Variants in FBN3 observed in about 807,000 individuals in gnomAD.
The protein encoded by FBN3 is fibrillin-3.
Under a neutral mutation model 330.1 loss-of-function variants are expected in FBN3, and 234 were observed. The observed-to-expected ratio is 0.71, with a 90% CI of 0.64 to 0.79. The LOEUF (loss-of-function observed/expected upper bound fraction) is 0.79, where lower values mean the gene tolerates loss of function less well. Among genes scored for constraint, FBN3 ranks in the 30% least tolerant of loss-of-function variants. FBN3 has a pLI of 0.00. For synonymous variants in FBN3, 1,458 were observed against 1,517.3 expected (o/e 0.96, Z 0.91); for missense variants, 3,606 against 3,886.9 (o/e 0.93, Z 1.92).
At chr19:8,072,971 G>GTGTGTA in intron 62 of FBN3, 92 bp downstream of exon 62, 1 of 404,600 alleles carries the variant, frequency 2.5e-6, no homozygotes, top group Non-Finnish European at 4.3e-6. Flanking sequence ...AGCCCCGTGT[G>GTGTGTA]TGTGTGTGTG....
intron 30 of FBN3, among the ~76,000 whole-genome samples, chr19:8,113,665 C>T (rs1353155870): frequency 6.6e-6 from 1 of 151,814 alleles, no homozygotes; most frequent in Non-Finnish European, 1.5e-5. Flanking sequence ...GCTATGATCA[C>T]ACCACTGCAC....
chr19:8,091,380 A>C, intron 48 of FBN3, 85 bp downstream of exon 48: 2 of 1,538,448 alleles, frequency 1.3e-6, no homozygotes, highest in East Asian at 2.3e-5. Flanking sequence ...GGGTCACACA[A>C]GAAACCACAG....
At chr19:8,135,940 A>ACCCCCCCCCCCCCCCCCCCCC in intron 13 of FBN3, 21 bp downstream of exon 13, 1 of 168,344 alleles carries the variant, frequency 5.9e-6, no homozygotes, top group Non-Finnish European at 1.1e-5. Context: ...GCCCCTGCCC[A>ACCCCCCCCCCCCCCCCCCCCC]CCCGCCCACC....
rs762725796 is a variant in FBN3, at chr19:8,131,751, C to A, written c.1793G>T (p.Cys598Phe). Residue 598 changes from cysteine to phenylalanine, a missense_variant, in exon 15 of 64, where the codon TGC becomes TTC. By Grantham distance (205) the Cys-to-Phe change is radical. Transcript: ENST00000600128. This position sits in a 1 kb window ranked among gnomAD's most constrained non-coding sequence, Gnocchi z 4.5. Reference protein sequence around the residue: ...TNTEGSFRCQCLGGLAVGTDG... With the variant: ...TNTEGSFRCQFLGGLAVGTDG... The stretch of plus-strand genomic sequence containing the variant: ...CGTGCCTACCGCCAGCCCCCCCAGG[C>A]ACTGGCAGCGGAAGGAGCCCTCGGT... 1 of 1,613,530 alleles carries A rather than the reference C, an allele frequency of 6.2e-7. No individual in the cohort carries two copies. Among genetic ancestry groups the A allele is most frequent in the South Asian group, 1.1e-5 (1 of 91,012 alleles).
chr19:8,124,424 T>A (rs959547925), intron 22 of FBN3, among the ~76,000 whole-genome samples: 1 of 151,468 alleles, frequency 6.6e-6, no homozygotes, highest in Non-Finnish European at 1.5e-5. Flanking sequence ...TTGTTATTTT[T>A]TAGTAGAGAC....
chr19:8,117,361 G>GT, intron 27 of FBN3, 70 bp from the exon 28 acceptor site: 1 of 1,537,464 alleles, frequency 6.5e-7, no homozygotes, highest in Non-Finnish European at 8.8e-7. Flanking sequence ...GGGCTGGTTT[G>GT]GGGGTGGGAG....
intron 22 of FBN3, among the ~76,000 whole-genome samples, chr19:8,125,396 AG>A (rs1175935404): frequency 6.6e-6 from 1 of 150,846 alleles, no homozygotes. Flanking sequence ...CCTGGGTGAC[AG>A]AGTGAGACCC....
chr19:8,144,260 G>A (rs1021996537), intron 6 of FBN3, among the ~76,000 whole-genome samples: 1 of 152,048 alleles, frequency 6.6e-6, no homozygotes, highest in Non-Finnish European at 1.5e-5. Flanking sequence ...AATTAGCTGA[G>A]CGTGGGGATG....
intron 54 of FBN3, 84 bp from the exon 55 acceptor site, chr19:8,086,409 C>A: frequency 2.7e-6 from 2 of 733,012 alleles, no homozygotes; most frequent in African/African-American, 1.8e-5. Context: ...CCCTTTGGAT[C>A]TGCCCAGGCC....
Position 8,102,804 on chromosome 19 carries a change from G to T in FBN3, c.5009C>A (p.Thr1670Asn). Residue 1670 changes from threonine to asparagine, a missense_variant, in exon 40 of 64, where the codon ACC (threonine) becomes AAC (asparagine). Coordinates refer to ENST00000600128, the MANE Select transcript of FBN3 (RefSeq NM_032447.5). ...TCQNELAFNV[T>N]RKMCCCSYNI... The stretch of plus-strand genomic sequence containing the variant: ...GTAGGAGCAGCAACACATTTTCCGG[G>T]TCACGTTGAAGGCCAGCTCATTTTG... 6.2e-7 allele frequency: 1 copy of T among 1,614,094 alleles called. No individual in the cohort carries two copies. The highest frequency in any genetic ancestry group is 1.7e-5 in the Admixed American group (1 of 59,996).
Position 8,110,889 on chromosome 19 carries a change from C to T in FBN3, c.4289G>A (p.Cys1430Tyr), listed in dbSNP as rs775193850. Residue 1430 changes from cysteine to tyrosine, a missense_variant, in exon 34 of 64, where the codon TGC (cysteine) becomes TAC (tyrosine). By Grantham distance (194) the Cys-to-Tyr change is radical. Transcript: ENST00000600128. ...ENLPGMFRCI[C>Y]NGGYELDRGG... The stretch of plus-strand genomic sequence containing the variant: ...TCGGTCCAGTTCGTAGCCACCATTG[C>T]AGATGCAGCGGAACATTCCAGGCAG... 9.3e-6 allele frequency: 15 copies of T among 1,614,252 alleles called. No individual in the cohort carries two copies. The Admixed American group carries it at 2.2e-4, about 23-fold the overall frequency.
Position 8,109,397 on chromosome 19 carries a change from G to T in FBN3, c.4457-9C>A, listed in dbSNP as rs368598713. 7.9e-5 allele frequency: 128 copies of T among 1,614,184 alleles called. No individual in the cohort carries two copies. The African/African-American group carries it at 1.5e-3, about 19-fold the overall frequency. ...GTTCCCGGCCCGAGTGTCTGAACAGGCAGAAGGGGATGGTTAGTAGGTGTC... is the reference window on the plus strand; with the variant it reads ...GTTCCCGGCCCGAGTGTCTGAACAGTCAGAAGGGGATGGTTAGTAGGTGTC... On this transcript the variant is annotated splice_polypyrimidine_tract_variant and intron_variant, in intron 35 of 63. Coordinates refer to ENST00000600128, the MANE Select transcript of FBN3 (RefSeq NM_032447.5). The surrounding 1 kb of genome is among the most constrained non-coding windows in gnomAD (Gnocchi z 5.2).
chr19:8,080,417 G>C (rs918360394), intron 59 of FBN3, among the ~76,000 whole-genome samples: 1 of 152,270 alleles, frequency 6.6e-6, no homozygotes, highest in East Asian at 1.9e-4. Context: ...TTTCAGGAGC[G>C]CTCTGGGGAG....
In FBN3 at chr19:8,109,176, C is replaced by A. The variant is rs574452336; in HGVS notation, c.4618+51G>T. The A allele has an allele frequency of 6.4e-7, 1 of 1,573,928 alleles. No homozygotes were observed. Among genetic ancestry groups the A allele is most frequent in the East Asian group, 2.3e-5 (1 of 44,324 alleles). On this transcript the variant is annotated intron_variant, in intron 36 of 63. Transcript: ENST00000600128. This position sits in a 1 kb window ranked among gnomAD's most constrained non-coding sequence, Gnocchi z 5.2. ...TAGCAGAGGTGACCCCCTAAGCTCC[C>A]GGGCCTCGGTGGCTTAGGTCACGGT...
chr19:8,075,518 C>T, intron 59 of FBN3, 107 bp from the exon 60 acceptor site: 5 of 1,114,668 alleles, frequency 4.5e-6, no homozygotes, highest in Non-Finnish European at 6.4e-6. Flanking sequence ...GTTGCTCACC[C>T]TCTCTGTGCC....
chr19:8,093,598 G>A (rs1207447349), intron 47 of FBN3, among the ~76,000 whole-genome samples: 1 of 152,070 alleles, frequency 6.6e-6, no homozygotes, highest in Non-Finnish European at 1.5e-5. Context: ...ACTCCAGCCT[G>A]GGGGATAGAG....
chr19:8,125,739 C>T (rs1029914938), intron 22 of FBN3, among the ~76,000 whole-genome samples, 153 bp downstream of exon 22: 7 of 146,092 alleles, frequency 4.8e-5, no homozygotes, highest in African/African-American at 1.5e-4. Context: ...TACAGTGAGC[C>T]GAGATTGCGC....
chr19:8,085,109 T>C (rs1252175438), intron 56 of FBN3, among the ~76,000 whole-genome samples: 1 of 152,114 alleles, frequency 6.6e-6, no homozygotes, highest in Non-Finnish European at 1.5e-5. Flanking sequence ...AGTGAGACTC[T>C]GTCTCAGAAC....
intron 47 of FBN3, among the ~76,000 whole-genome samples, chr19:8,092,168 ACT>A (rs1380837760): frequency 6.8e-6 from 1 of 147,382 alleles, no homozygotes; most frequent in Admixed American, 6.7e-5. Context: ...ACAGAGCGAG[ACT>A]CTGTCTCAAA....
Sources: allele counts gnomAD v4.1 joint callset (sites outside exome capture counted in the v4.1 genomes callset), GRCh38; gene constraint gnomAD v4.1.1; non-coding constraint Gnocchi (gnomAD v3.1); transcripts MANE v1.5; gene names NCBI Gene and HGNC (gene_info 2026-07-23, HGNC 2026-07-21).